The following NTN1 variants were observed in gnomAD, a reference collection of about 807,000 sequenced individuals.
The protein encoded by NTN1 is netrin-1.
A neutral mutation model predicts 54.2 loss-of-function variants in NTN1; 11 were observed. That is an observed-to-expected ratio of 0.20 (90% confidence interval 0.13 to 0.34). The LOEUF is 0.34. NTN1 is among the 10% of genes least tolerant of loss of function. The probability of loss-of-function intolerance (pLI) is 1.00; values close to 1 mark genes in which losing one functional copy is unlikely to be tolerated. For synonymous variants in NTN1, 371 were observed against 382.0 expected, an observed-to-expected ratio of 0.97 and a Z score of 0.33; for missense variants, 740 against 893.1, an observed-to-expected ratio of 0.83 and a Z score of 2.18.
intron 3 of NTN1, among the ~76,000 whole-genome samples, chr17:9,172,596 A>G (rs1001347741): frequency 6.6e-6 from 1 of 152,250 alleles, no homozygotes; most frequent in Non-Finnish European, 1.5e-5. Context: ...AAAATTCAAC[A>G]ACAAGGAAAC....
intron 2 of NTN1, among the ~76,000 whole-genome samples, chr17:9,155,575 A>AGGTGATCCGCCCGTCTC (rs2092339360): frequency 1.3e-5 from 2 of 152,076 alleles, no homozygotes; most frequent in South Asian, 4.1e-4. Context: ...TCCTGACTTC[A>AGGTGATCCGCCCGTCTC]GGTGATCCGC....
chr17:9,108,145 A>C (rs1219477419), intron 2 of NTN1, among the ~76,000 whole-genome samples: 1 of 152,236 alleles, frequency 6.6e-6, no homozygotes, highest in Non-Finnish European at 1.5e-5. Context: ...GAAGGGATTC[A>C]TGCGAATTGG....
chr17:9,169,526 C>G (rs188096484), intron 3 of NTN1, among the ~76,000 whole-genome samples: 4 of 152,360 alleles, frequency 2.6e-5, no homozygotes, highest in Admixed American at 2.6e-4. Context: ...TGTGAGTTCT[C>G]TGATCTCTCA....
chr17:9,191,087 A>G (rs944157351), intron 5 of NTN1, among the ~76,000 whole-genome samples: 1 of 152,258 alleles, frequency 6.6e-6, no homozygotes, highest in Non-Finnish European at 1.5e-5. Flanking sequence ...ATATATGAAT[A>G]TCAATGTAAT....
At chr17:9,140,571 T>C (rs909287989) in intron 2 of NTN1, among the ~76,000 whole-genome samples, 3 of 152,138 alleles carry the variant, frequency 2.0e-5, no homozygotes, top group African/African-American at 7.2e-5. Context: ...TGACAGCTTG[T>C]GGGACTCAGG....
chr17:9,047,329 C>G (rs560175340), intron 2 of NTN1, among the ~76,000 whole-genome samples: 5 of 152,300 alleles, frequency 3.3e-5, no homozygotes, highest in African/African-American at 4.8e-5. Context: ...TAATTGGAGT[C>G]GATCCTCTCA....
chr17:9,100,909 T>C (rs1337604548), intron 2 of NTN1, among the ~76,000 whole-genome samples: 1 of 152,196 alleles, frequency 6.6e-6, no homozygotes, highest in African/African-American at 2.4e-5. Flanking sequence ...CTGACCTCTT[T>C]GTTTTAGTTC....
chr17:9,138,167 G>T (rs1351035649), intron 2 of NTN1, among the ~76,000 whole-genome samples: 1 of 152,218 alleles, frequency 6.6e-6, no homozygotes, highest in Non-Finnish European at 1.5e-5. Context: ...TGCTCAACTT[G>T]AAAACCCCCT....
At position 9,185,235 on chromosome 17, in the gene NTN1, A is replaced by G. The variant is rs541485626; in HGVS notation, c.1411+2266A>G. Among the ~76,000 whole-genome samples, 52 of 152,228 alleles carry G rather than the reference A, an allele frequency of 3.4e-4. No individual in the cohort carries two copies. In the Middle Eastern group the frequency reaches 0.01, roughly 30 times the overall value. ...GCTGGACCGTGGGGCCTCCTACCACAGGGAGGCTGGGTATGCCTTGTCTCA... is the reference window on the plus strand; with the variant it reads ...GCTGGACCGTGGGGCCTCCTACCACGGGGAGGCTGGGTATGCCTTGTCTCA... On this transcript the variant is annotated intron_variant, in intron 5 of 6. Transcript: ENST00000173229.
chr17:9,184,833 C>G (rs2092428523), intron 5 of NTN1, among the ~76,000 whole-genome samples: 1 of 152,234 alleles, frequency 6.6e-6, no homozygotes, highest in Non-Finnish European at 1.5e-5. Flanking sequence ...CTACAAGAAG[C>G]TGGTATAAAA....
intron 6 of NTN1, among the ~76,000 whole-genome samples, chr17:9,235,894 G>A (rs917787224): frequency 2.0e-5 from 3 of 151,992 alleles, no homozygotes; most frequent in Non-Finnish European, 2.9e-5. Flanking sequence ...TGGGACTACA[G>A]GCGTCCACTG....
rs1053978657 is a variant in NTN1 at position 9,212,444 on chromosome 17, G to A, written c.1412-8724G>A. ...GACTCTCTGGCCGCGGAGATTCCATGCAGCTTTCTGGTTCTAGATCAGGCA... is the reference window on the plus strand; with the variant it reads ...GACTCTCTGGCCGCGGAGATTCCATACAGCTTTCTGGTTCTAGATCAGGCA... On this transcript the variant is annotated intron_variant, in intron 5 of 6. Transcript: ENST00000173229. This position sits in a 1 kb window ranked among gnomAD's most constrained non-coding sequence, Gnocchi z 5.5. 3.9e-5 allele frequency among the ~76,000 whole-genome samples: 6 copies of A among 152,210 alleles called. No individual in the cohort carries two copies. The highest frequency in any genetic ancestry group is 1.2e-4 in the African/African-American group (5 of 41,442).
At chr17:9,209,664 C>T (rs560781916) in intron 5 of NTN1, among the ~76,000 whole-genome samples, 12 of 152,306 alleles carry the variant, frequency 7.9e-5, no homozygotes, top group Middle Eastern at 6.8e-3. Flanking sequence ...GGGGCCAGGG[C>T]ACCAGGGCCC....
intron 2 of NTN1, among the ~76,000 whole-genome samples, chr17:9,071,101 A>C (rs2092030604): frequency 6.6e-6 from 1 of 152,110 alleles, no homozygotes; most frequent in South Asian, 2.1e-4. Flanking sequence ...AACTTCTTGG[A>C]ACTTTCCAGA....
chr17:9,111,904 G>A (rs1293676410), intron 2 of NTN1, among the ~76,000 whole-genome samples: 2 of 152,188 alleles, frequency 1.3e-5, no homozygotes, highest in Non-Finnish European at 2.9e-5. Context: ...GGTGGCAGAG[G>A]CACCTGTAAA....
chr17:9,022,639 G>A lies in NTN1; in HGVS notation c.266G>A (p.Arg89His). Residue 89 changes from arginine to histidine, a missense_variant, in exon 2 of 7, where the codon CGC (arginine) becomes CAC (histidine). By Grantham distance (29) the Arg-to-His change is conservative (BLOSUM62 0). Coordinates refer to ENST00000173229, the MANE Select transcript of NTN1 (RefSeq NM_004822.3). ...VVSERGEERL[R>H]SCHLCNASDP... Reference sequence around the variant, plus strand: ...AGCGAGCGCGGCGAGGAGCGGCTGCGCTCGTGCCACCTCTGCAACGCGTCC... The same window carrying A: ...AGCGAGCGCGGCGAGGAGCGGCTGCACTCGTGCCACCTCTGCAACGCGTCC... The A allele has an allele frequency of 6.4e-7, 1 of 1,558,382 alleles. No homozygotes were observed. The highest frequency in any genetic ancestry group is 1.2e-5 in the South Asian group (1 of 85,112).
At position 9,211,096 on chromosome 17, in the gene NTN1, A is replaced by G. The variant is rs1905098195; in HGVS notation, c.1412-10072A>G. Reference sequence around the variant, plus strand: ...CATTTCTGGCACATGCTATTCTTCTAGAATAAAATCCAAACCCCTGCCATT... The same window carrying G: ...CATTTCTGGCACATGCTATTCTTCTGGAATAAAATCCAAACCCCTGCCATT... On this transcript the variant is annotated intron_variant, in intron 5 of 6. Coordinates refer to ENST00000173229, the MANE Select transcript of NTN1 (RefSeq NM_004822.3). The surrounding 1 kb of genome is among the most constrained non-coding windows in gnomAD (Gnocchi z 4.4). Among the ~76,000 whole-genome samples the G allele has an allele frequency of 1.3e-5, 2 of 152,246 alleles. No homozygotes were observed. Among genetic ancestry groups the G allele is most frequent in the Non-Finnish European group, 1.5e-5 (1 of 68,028 alleles).
chr17:9,021,737 G>A (rs1182944871), intron 1 of NTN1, among the ~76,000 whole-genome samples, 152 bp downstream of exon 1: 1 of 151,254 alleles, frequency 6.6e-6, no homozygotes, highest in East Asian at 1.9e-4. Context: ...GGCCGCGCCG[G>A]GCATGGAGCT....
rs560909005 is a variant in NTN1 at position 9,122,131 on chromosome 17, G to A, written c.1019-40682G>A. On this transcript the variant is annotated intron_variant, in intron 2 of 6. Coordinates refer to ENST00000173229, the MANE Select transcript of NTN1 (RefSeq NM_004822.3). ...CGGCTCACTGCAAGCTCCGCTTCCC[G>A]GGTTCACGCCATTCTCCTGCCTCAG... is the stretch of plus-strand genomic sequence containing the variant. 7.9e-5 allele frequency among the ~76,000 whole-genome samples: 12 copies of A among 151,470 alleles called. 1 individual carries two copies. The highest frequency in any genetic ancestry group is 2.7e-4 in the African/African-American group (11 of 41,234).
Sources: allele counts gnomAD v4.1 joint callset (sites outside exome capture counted in the v4.1 genomes callset), GRCh38; gene constraint gnomAD v4.1.1; non-coding constraint Gnocchi (gnomAD v3.1); transcripts MANE v1.5; gene names NCBI Gene and HGNC (gene_info 2026-07-23, HGNC 2026-07-21).